PALM2AKAP2: variants seen among roughly 807,000 people sequenced by gnomAD.
PALM2AKAP2 encodes the protein PALM2 and AKAP2 fusion.
Under a neutral mutation model 71.5 loss-of-function variants are expected in PALM2AKAP2, and 37 were observed. The ratio of observed to expected loss-of-function variants is 0.52; its 90% confidence interval spans 0.40 to 0.68. PALM2AKAP2 has a LOEUF of 0.68. Ranked by LOEUF, PALM2AKAP2 falls within the 30% of genes least tolerant of loss-of-function variation. The pLI is 0.00. For synonymous variants in PALM2AKAP2, 468 were observed against 478.8 expected (o/e 0.98, Z 0.29); for missense variants, 1,224 against 1,191.8 (o/e 1.03, Z -0.40).
chr9:109,716,187 T>C (rs944480062), intron 1 of PALM2AKAP2, among the ~76,000 whole-genome samples: 1 of 152,232 alleles, frequency 6.6e-6, no homozygotes, highest in African/African-American at 2.4e-5. Flanking sequence ...TTTTATGTGG[T>C]AACTCTCTCC....
At chr9:110,106,271 A>G (rs1835119524) in intron 1 of PALM2AKAP2, among the ~76,000 whole-genome samples, 2 of 152,236 alleles carry the variant, frequency 1.3e-5, no homozygotes, top group Non-Finnish European at 2.9e-5. Flanking sequence ...CACAATGAGA[A>G]CTTGTGACTA....
intron 1 of PALM2AKAP2, among the ~76,000 whole-genome samples, chr9:109,753,216 G>T (rs764268520): frequency 6.6e-6 from 1 of 152,052 alleles, no homozygotes; most frequent in African/African-American, 2.4e-5. Context: ...GGAGAAATTC[G>T]GAAGTTCCCA....
At chr9:109,649,616 T>C (rs1434129543) in intron 1 of PALM2AKAP2, among the ~76,000 whole-genome samples, 2 of 152,244 alleles carry the variant, frequency 1.3e-5, no homozygotes, top group African/African-American at 4.8e-5. Flanking sequence ...CATTTGCTGG[T>C]AACTCATTTT....
intron 1 of PALM2AKAP2, among the ~76,000 whole-genome samples, chr9:109,783,782 G>C (rs1267821830): frequency 6.6e-6 from 1 of 152,198 alleles, no homozygotes; most frequent in African/African-American, 2.4e-5. Context: ...TGAAAAGTTG[G>C]TGTCCCCAGG....
At chr9:109,987,595 C>T (rs993116523) in intron 6 of PALM2AKAP2, among the ~76,000 whole-genome samples, 2 of 152,112 alleles carry the variant, frequency 1.3e-5, no homozygotes, top group African/African-American at 4.8e-5. Flanking sequence ...GCTTTTTCTA[C>T]AAGTAACAGA....
intron 1 of PALM2AKAP2, among the ~76,000 whole-genome samples, chr9:109,734,909 C>T (rs980427822): frequency 3.3e-5 from 5 of 151,968 alleles, no homozygotes; most frequent in African/African-American, 1.2e-4. Flanking sequence ...TCTTCCCCTC[C>T]CTGGAGAAAT....
intron 2 of PALM2AKAP2, among the ~76,000 whole-genome samples, chr9:109,873,296 C>G (rs997966996): frequency 6.6e-6 from 1 of 152,044 alleles, no homozygotes. Flanking sequence ...AACCCTGTCT[C>G]TACTAAAAAT....
intron 1 of PALM2AKAP2, among the ~76,000 whole-genome samples, chr9:109,688,112 T>C (rs958167556): frequency 9.2e-5 from 14 of 152,084 alleles, no homozygotes; most frequent in African/African-American, 3.4e-4. Context: ...CCATAACAGA[T>C]ATGATAATGA....
At chr9:110,150,164 G>A (rs1041643294) in intron 2 of PALM2AKAP2, among the ~76,000 whole-genome samples, 27 of 152,240 alleles carry the variant, frequency 1.8e-4, no homozygotes, top group African/African-American at 6.3e-4. Flanking sequence ...CACAGCAAGA[G>A]GGCAGCTGTC....
chr9:110,048,336 A>G (rs2132489512), upstream of PALM2AKAP2, among the ~76,000 whole-genome samples: 1 of 152,234 alleles, frequency 6.6e-6, no homozygotes, highest in African/African-American at 2.4e-5. Context: ...ACACACGTCC[A>G]CATGCACACA....
intron 6 of PALM2AKAP2, among the ~76,000 whole-genome samples, chr9:110,004,303 G>A (rs1832736954): frequency 1.3e-5 from 2 of 152,088 alleles, no homozygotes; most frequent in African/African-American, 4.8e-5. Context: ...TAGTTTGGCT[G>A]GATATGAAAT....
At chr9:109,789,950 A>G (rs954465186) in intron 1 of PALM2AKAP2, among the ~76,000 whole-genome samples, 7 of 152,246 alleles carry the variant, frequency 4.6e-5, no homozygotes, top group South Asian at 4.1e-4. Flanking sequence ...CCCTATTTAC[A>G]TAATGCTTGA....
At chr9:109,847,914 T>TA (rs1828907660) in intron 1 of PALM2AKAP2, among the ~76,000 whole-genome samples, 1 of 152,208 alleles carries the variant, frequency 6.6e-6, no homozygotes, top group African/African-American at 2.4e-5. Flanking sequence ...TTTTTATAAG[T>TA]AAGTCCACCT....
At chr9:109,851,631 C>T (rs1302842650) in intron 1 of PALM2AKAP2, among the ~76,000 whole-genome samples, 1 of 152,138 alleles carries the variant, frequency 6.6e-6, no homozygotes, top group Non-Finnish European at 1.5e-5. Flanking sequence ...TAAAGACCAA[C>T]CTGCCTGCAT....
chr9:110,147,111 CGTG>C (rs1836193682), intron 2 of PALM2AKAP2, among the ~76,000 whole-genome samples: 1 of 151,986 alleles, frequency 6.6e-6, no homozygotes, highest in Non-Finnish European at 1.5e-5. Flanking sequence ...ATGAGCCAGG[CGTG>C]GTGTCACATG....
chr9:109,986,493 C>T (rs1033349823), intron 6 of PALM2AKAP2, among the ~76,000 whole-genome samples: 2 of 152,082 alleles, frequency 1.3e-5, no homozygotes, highest in African/African-American at 4.8e-5. Context: ...ATGTCCAGTT[C>T]TTCCTTTCTC....
chr9:109,856,797 A>T (rs1829179916), intron 1 of PALM2AKAP2, among the ~76,000 whole-genome samples: 1 of 152,254 alleles, frequency 6.6e-6, no homozygotes, highest in Admixed American at 6.5e-5. Context: ...AAACAAAAAC[A>T]TGATTTGTCA....
At chr9:109,995,356 C>T (rs147608281) in intron 6 of PALM2AKAP2, among the ~76,000 whole-genome samples, 230 of 152,288 alleles carry the variant, frequency 1.5e-3, no homozygotes, top group African/African-American at 5.2e-3. Context: ...TGGGTCTTTC[C>T]ATCTTAATCT....
intron 6 of PALM2AKAP2, among the ~76,000 whole-genome samples, chr9:110,014,231 TAGAGA>T (rs1832931072): frequency 6.6e-6 from 1 of 152,176 alleles, no homozygotes; most frequent in South Asian, 2.1e-4. Context: ...TCTAAATACT[TAGAGA>T]AAAGTATTTT....
Sources: allele counts gnomAD v4.1 joint callset (sites outside exome capture counted in the v4.1 genomes callset), GRCh38; gene constraint gnomAD v4.1.1; transcripts MANE v1.5; gene names NCBI Gene and HGNC (gene_info 2026-07-23, HGNC 2026-07-21).